PXDNL: variants seen among roughly 807,000 people sequenced by gnomAD.
PXDNL encodes probable oxidoreductase PXDNL.
A neutral mutation model predicts 150.8 loss-of-function variants in PXDNL; 145 were observed. That is an observed-to-expected ratio of 0.96 (90% confidence interval 0.84 to 1.10). The LOEUF (loss-of-function observed/expected upper bound fraction) is 1.10. Ranked by LOEUF, PXDNL falls within the 50% of genes least tolerant of loss-of-function variation. The pLI, the probability that PXDNL is intolerant of heterozygous loss-of-function variation, is 0.00. For synonymous variants in PXDNL, 757 were observed against 725.7 expected (o/e 1.04, Z -0.69); for missense variants, 2,087 against 1,873.9 (o/e 1.11, Z -2.10).
intron 12 of PXDNL, among the ~76,000 whole-genome samples, chr8:51,429,427 A>G (rs1402396869): frequency 6.6e-6 from 1 of 152,128 alleles, no homozygotes; most frequent in African/African-American, 2.4e-5. Flanking sequence ...TAAAAATACA[A>G]TAAATTAGCC....
intron 16 of PXDNL, among the ~76,000 whole-genome samples, 163 bp from the exon 17 acceptor site, chr8:51,409,724 G>A (rs892311078): frequency 1.6e-4 from 25 of 151,586 alleles, no homozygotes; most frequent in Non-Finnish European, 1.5e-5. Flanking sequence ...AACAAAAGGG[G>A]GGATCATTCT....
chr8:51,510,958 G>T (rs895666409), intron 4 of PXDNL, among the ~76,000 whole-genome samples: 1 of 152,166 alleles, frequency 6.6e-6, no homozygotes, highest in Non-Finnish European at 1.5e-5. Context: ...TCAGTCAAAG[G>T]TGGTACAATG....
At chr8:51,435,345 C>T (rs964072172) in intron 12 of PXDNL, among the ~76,000 whole-genome samples, 3 of 133,294 alleles carry the variant, frequency 2.3e-5, no homozygotes, top group Non-Finnish European at 4.8e-5. Flanking sequence ...AAAAAGTCCT[C>T]ATCAGTGTTT....
intron 1 of PXDNL, among the ~76,000 whole-genome samples, chr8:51,705,378 C>T (rs73580274): frequency 0.034 from 5,165 of 152,290 alleles, 275 homozygotes; most frequent in African/African-American, 0.11. Context: ...GTTACTTGGT[C>T]TGGCATATTG....
intron 12 of PXDNL, among the ~76,000 whole-genome samples, chr8:51,427,162 A>C (rs542675378): frequency 1.3e-5 from 2 of 152,358 alleles, no homozygotes; most frequent in Admixed American, 1.3e-4. Context: ...TCATTTCCTC[A>C]AAAAACACAA....
chr8:51,376,637 AG>A (rs762050111), intron 17 of PXDNL, among the ~76,000 whole-genome samples: 15 of 151,864 alleles, frequency 9.9e-5, no homozygotes, highest in Non-Finnish European at 2.1e-4. Flanking sequence ...CTTTCACTAC[AG>A]GGAAGTGCAG....
chr8:51,712,973 T>C (rs1816530733), intron 1 of PXDNL, among the ~76,000 whole-genome samples: 1 of 152,204 alleles, frequency 6.6e-6, no homozygotes, highest in African/African-American at 2.4e-5. Flanking sequence ...AAGGCTGAGC[T>C]GAAAGGGTAC....
intron 10 of PXDNL, 102 bp downstream of exon 10, chr8:51,453,417 A>C (rs1809852623): frequency 1.7e-6 from 2 of 1,209,990 alleles, no homozygotes; most frequent in Non-Finnish European, 1.2e-6. Flanking sequence ...TTGGCAAATA[A>C]AAATATTTCT....
In PXDNL at chr8:51,578,049, G is replaced by A. The variant is rs547664946; in HGVS notation, c.308+14578C>T. On this transcript the variant is annotated intron_variant, in intron 3 of 22. Transcript: ENST00000356297. ...AGGAAGGAAGGAAGGAAGGAAGGAAGGAAAGAAAGAAAGGAAAGAAAGAAA... is the reference window on the plus strand; with the variant it reads ...AGGAAGGAAGGAAGGAAGGAAGGAAAGAAAGAAAGAAAGGAAAGAAAGAAA... Among the ~76,000 whole-genome samples the A allele has an allele frequency of 9.9e-3, 855 of 86,638 alleles. 54 individuals are homozygous for A. The highest frequency in any genetic ancestry group is 0.043 in the African/African-American group (773 of 18,058). The allele number at this position is 86,638 out of a possible 152,430, so 56.8% of individuals were successfully genotyped here.
Position 51,406,013 on chromosome 8 carries a change from T to G in PXDNL, c.3557+2054A>C, listed in dbSNP as rs1808425715. 2.6e-5 allele frequency among the ~76,000 whole-genome samples: 4 copies of G among 152,238 alleles called. No homozygotes were observed. The South Asian group carries it at 8.3e-4, about 32-fold the overall frequency. ...TGCTCAATGAAGTCTCCCCAGCTGC[T>G]GTCCGTCTGAAAGGCCACTCATACT... On this transcript the variant is annotated intron_variant, in intron 17 of 22. Coordinates refer to ENST00000356297, the MANE Select transcript of PXDNL (RefSeq NM_144651.5).
rs1325579212 is a variant in PXDNL at position 51,792,344 on chromosome 8, C to A, written c.164+16837G>T. ...CCACACAGGGCAAGGGGAGCTCCTA[C>A]CCCCAGCCAAGAGATGTGATGAGTG... On this transcript the variant is annotated intron_variant, in intron 1 of 22. Transcript: ENST00000356297. 2.0e-5 allele frequency among the ~76,000 whole-genome samples: 3 copies of A among 152,268 alleles called. No homozygotes were observed. The East Asian group carries it at 5.8e-4, about 29-fold the overall frequency.
In PXDNL at chr8:51,409,239, G is replaced by C; in HGVS notation, c.2385C>G (p.Pro795=). The change falls in exon 17 of 23, where the codon CCC becomes CCG. Residue 795 remains proline, a synonymous_variant. Transcript: ENST00000356297. ...TGAGCATGCGCGTGTAGCTGTGGTC[G>C]GGGGTGACGGCCGCCGCGCGCGCCC... ...TVWARAAAVT[P]DHSYTRMLMH... is the part of the protein sequence containing the mutation. 1.3e-6 allele frequency: 2 copies of C among 1,525,218 alleles called. No homozygotes were observed. The highest frequency in any genetic ancestry group is 1.2e-5 in the South Asian group (1 of 82,062). The allele number at this position is 1,525,218 out of a possible 1,614,324, so 94.5% of individuals were successfully genotyped here.
intron 19 of PXDNL, among the ~76,000 whole-genome samples, chr8:51,357,820 C>A (rs1806563114): frequency 6.6e-6 from 1 of 152,140 alleles, no homozygotes; most frequent in Non-Finnish European, 1.5e-5. Flanking sequence ...ACAGATTGGA[C>A]AATTCTGTCA....
chr8:51,545,444 T>C (rs1812337002), intron 4 of PXDNL, among the ~76,000 whole-genome samples: 1 of 152,172 alleles, frequency 6.6e-6, no homozygotes, highest in African/African-American at 2.4e-5. Context: ...GATAGTTTAG[T>C]AGTCATTGTC....
chr8:51,530,678 T>C (rs1811879711), intron 4 of PXDNL, among the ~76,000 whole-genome samples: 1 of 152,164 alleles, frequency 6.6e-6, no homozygotes, highest in Admixed American at 6.5e-5. Flanking sequence ...ACCTGTGGCC[T>C]CTGCGCTCAC....
intron 2 of PXDNL, among the ~76,000 whole-genome samples, chr8:51,654,485 T>A (rs922457267): frequency 2.0e-5 from 3 of 152,176 alleles, no homozygotes; most frequent in Non-Finnish European, 4.4e-5. Flanking sequence ...ATAAATTGGA[T>A]AAATAAGAAT....
chr8:51,487,594 C>A (rs1810794064), intron 5 of PXDNL, among the ~76,000 whole-genome samples: 1 of 152,178 alleles, frequency 6.6e-6, no homozygotes, highest in African/African-American at 2.4e-5. Context: ...GCACCAAGCT[C>A]TAAAGTAACT....
intron 2 of PXDNL, among the ~76,000 whole-genome samples, chr8:51,600,217 T>C (rs1385476987): frequency 2.1e-5 from 3 of 140,440 alleles, no homozygotes; most frequent in Non-Finnish European, 4.6e-5. Context: ...AAATTATATC[T>C]CATATAAATT....
At chr8:51,608,637 A>C (rs945111025) in intron 2 of PXDNL, among the ~76,000 whole-genome samples, 3 of 148,838 alleles carry the variant, frequency 2.0e-5, no homozygotes, top group African/African-American at 7.7e-5. Flanking sequence ...GGAGATCCAG[A>C]CCATCCTGGC....
Sources: gnomAD v4.1 joint callset for allele counts (sites outside exome capture counted in the v4.1 genomes callset) on GRCh38, gnomAD v4.1.1 for gene constraint, MANE v1.5 for transcripts, NCBI Gene and HGNC (gene_info 2026-07-23, HGNC 2026-07-21) for gene names.